TMEM65: variants seen among roughly 807,000 people sequenced by gnomAD.
TMEM65 encodes the protein transmembrane protein 65.
In TMEM65, 22 loss-of-function variants were observed where a neutral mutation model predicts 25.4. That is an observed-to-expected ratio of 0.86 (90% CI 0.62 to 1.23). TMEM65 has a LOEUF of 1.23. Ranked by LOEUF, TMEM65 falls within the 50% of genes most tolerant of loss-of-function variation. The pLI is 0.00. For synonymous variants in TMEM65, 132 were observed against 126.2 expected (o/e 1.05, Z -0.31); for missense variants, 262 against 308.2 (o/e 0.85, Z 1.12).
chr8:124,372,071 C>A lies in TMEM65; in HGVS notation c.87G>T (p.Pro29=). ...GPAAAAAPRP[P]SWCCCGRGLL... is the part of the protein sequence containing the mutation. ...GCCCCCGCCCGCAGCAGCACCAGGA[C>A]GGCGGGCGGGGCGCGGCGGCGGCGG... Residue 29 remains proline (P), a synonymous_variant, in exon 1 of 7, where the codon CCG becomes CCT. Transcript: ENST00000297632. 9.6e-6 allele frequency: 11 copies of A among 1,147,646 alleles called. No homozygotes were observed. The highest frequency in any genetic ancestry group is 1.2e-5 in the Non-Finnish European group (11 of 936,002). The allele number at this position is 1,147,646 out of a possible 1,614,324, so 71.1% of individuals were successfully genotyped here. A position where few individuals can be genotyped will look rare whatever the true frequency, so the allele number is the denominator to read the frequency against.
intron 2 of TMEM65, among the ~76,000 whole-genome samples, chr8:124,327,816 A>G (rs1408583754): frequency 6.6e-6 from 1 of 152,154 alleles, no homozygotes; most frequent in East Asian, 1.9e-4. Flanking sequence ...AAAGTCTGAT[A>G]TTATAAAATC....
Position 124,312,329 on chromosome 8 carries a change from TA to T in TMEM65, c.*1630del, listed in dbSNP as rs1814173626. On this transcript the variant is annotated 3_prime_UTR_variant, in exon 7 of 7. Transcript: ENST00000297632. ...ATATATTTATTTTTAGATTATATGC[TA>T]TATTTTTATGCTTTCTCTCCTCAAA... is the stretch of plus-strand genomic sequence containing the variant. 1 of 152,068 alleles carries T rather than the reference TA, an allele frequency of 6.6e-6. No homozygotes were observed. Among genetic ancestry groups the T allele is most frequent in the Non-Finnish European group, 1.5e-5 (1 of 67,930 alleles). 9.4% of individuals were successfully genotyped at this position (152,068 alleles called of 1,614,324 possible). A position where few individuals can be genotyped will look rare whatever the true frequency, so the allele number is the denominator to read the frequency against.
At chr8:124,314,989 A>C (rs191024014) in intron 6 of TMEM65, among the ~76,000 whole-genome samples, 1 of 152,134 alleles carries the variant, frequency 6.6e-6, no homozygotes, top group African/African-American at 2.4e-5. Flanking sequence ...TAAAAATTTA[A>C]AATTGTTATT....
intron 3 of TMEM65, among the ~76,000 whole-genome samples, chr8:124,325,422 G>A (rs935070807): frequency 7.9e-5 from 12 of 151,790 alleles, no homozygotes; most frequent in African/African-American, 2.9e-4. Context: ...AAATTTTATT[G>A]TCTCTGAATG....
chr8:124,331,683 T>C (rs1214667798), intron 1 of TMEM65, among the ~76,000 whole-genome samples: 6 of 151,868 alleles, frequency 4.0e-5, no homozygotes, highest in Admixed American at 3.9e-4. Flanking sequence ...CTACCTTCTT[T>C]ATGATCAACC....
intron 1 of TMEM65, among the ~76,000 whole-genome samples, chr8:124,334,345 C>A (rs1402797415): frequency 6.6e-6 from 1 of 151,710 alleles, no homozygotes; most frequent in African/African-American, 2.4e-5. Context: ...AAATTGTATT[C>A]AAAGATGTAA....
rs148493122 is a variant in TMEM65 at position 124,341,057 on chromosome 8, T to C, written c.305-10265A>G. On this transcript the variant is annotated intron_variant, in intron 1 of 6. Coordinates refer to ENST00000297632, the MANE Select transcript of TMEM65 (RefSeq NM_194291.3). ...TCCTAGTGTCCTTTGGAAATTAAAGTCATTAAGAGTTCAGAATTCTAATTA... is the reference window on the plus strand; with the variant it reads ...TCCTAGTGTCCTTTGGAAATTAAAGCCATTAAGAGTTCAGAATTCTAATTA... Among the ~76,000 whole-genome samples the C allele has an allele frequency of 2.5e-3, 378 of 152,076 alleles. 1 individual carries two copies. Among genetic ancestry groups the C allele is most frequent in the African/African-American group, 7.9e-3 (326 of 41,526 alleles).
chr8:124,338,561 C>T (rs555083022), intron 1 of TMEM65, among the ~76,000 whole-genome samples: 6 of 151,996 alleles, frequency 3.9e-5, no homozygotes, highest in African/African-American at 1.4e-4. Flanking sequence ...AGACAAAATC[C>T]TTAAAAGAAA....
chr8:124,350,623 A>C (rs2131219266), intron 1 of TMEM65, among the ~76,000 whole-genome samples: 1 of 152,172 alleles, frequency 6.6e-6, no homozygotes, highest in Non-Finnish European at 1.5e-5. Context: ...AAACTATTCA[A>C]AAATATATTT....
intron 6 of TMEM65, among the ~76,000 whole-genome samples, chr8:124,319,582 T>C (rs1212410607): frequency 6.6e-6 from 1 of 152,008 alleles, no homozygotes; most frequent in African/African-American, 2.4e-5. Context: ...ACTCCTCTTA[T>C]TCATCTAGTA....
chr8:124,306,775 C>G lies in TMEM65; in HGVS notation c.*7185G>C, dbSNP rs1586450810. The G allele has an allele frequency of 6.6e-6, 1 of 152,056 alleles. No homozygotes were observed. The highest frequency in any genetic ancestry group is 1.5e-5 in the Non-Finnish European group (1 of 68,052). The allele number at this position is 152,056 out of a possible 1,614,324, so 9.4% of individuals were successfully genotyped here. A position where few individuals can be genotyped will look rare whatever the true frequency, so the allele number is the denominator to read the frequency against. ...AGCAGCCTGGCCAACATGGTGAAAC[C>G]CTGTTTCTCCTAAAAATACAAAAAT... On this transcript the variant is annotated 3_prime_UTR_variant, in exon 7 of 7. Transcript: ENST00000297632.
chr8:124,320,842 G>A lies in TMEM65; in HGVS notation c.516-651C>T, dbSNP rs187423213. 3.7e-4 allele frequency among the ~76,000 whole-genome samples: 57 copies of A among 152,206 alleles called. 1 individual carries two copies. The highest frequency in any genetic ancestry group is 6.8e-3 in the Middle Eastern group (2 of 292). On this transcript the variant is annotated intron_variant, in intron 5 of 6. Coordinates refer to ENST00000297632, the MANE Select transcript of TMEM65 (RefSeq NM_194291.3). ...GATACGTTAAAATGCATCTGAGAATGCCTAAAATGTGGTATTTGTTATTGA... is the reference window on the plus strand; with the variant it reads ...GATACGTTAAAATGCATCTGAGAATACCTAAAATGTGGTATTTGTTATTGA...
At chr8:124,368,093 C>T (rs1026186352) in intron 1 of TMEM65, among the ~76,000 whole-genome samples, 1 of 151,480 alleles carries the variant, frequency 6.6e-6, no homozygotes, top group Non-Finnish European at 1.5e-5. Flanking sequence ...ATTAATTACA[C>T]CACCTTAAAT....
At chr8:124,340,913 T>C (rs7015722) in intron 1 of TMEM65, among the ~76,000 whole-genome samples, 15 of 152,178 alleles carry the variant, frequency 9.9e-5, no homozygotes, top group African/African-American at 3.4e-4. Flanking sequence ...TTAGTAAACA[T>C]GTTCTGTGCC....
intron 1 of TMEM65, among the ~76,000 whole-genome samples, chr8:124,351,813 C>T (rs1013797354): frequency 3.9e-5 from 6 of 152,170 alleles, no homozygotes; most frequent in Admixed American, 3.3e-4. Context: ...TCTTAAATGA[C>T]AGCAGTTCAA....
intron 1 of TMEM65, among the ~76,000 whole-genome samples, chr8:124,362,309 A>AT (rs367911192): frequency 7.2e-5 from 11 of 152,232 alleles, no homozygotes; most frequent in African/African-American, 2.4e-4. Flanking sequence ...AAATGAAGGA[A>AT]TTTTTTAAAA....
At chr8:124,319,750 A>T (rs1332353228) in intron 6 of TMEM65, among the ~76,000 whole-genome samples, 2 of 152,160 alleles carry the variant, frequency 1.3e-5, no homozygotes, top group Admixed American at 1.3e-4. Flanking sequence ...ACCAAATTAT[A>T]ATTTGTTTAT....
intron 2 of TMEM65, among the ~76,000 whole-genome samples, chr8:124,328,806 T>C (rs567618555): frequency 1.1e-4 from 17 of 152,226 alleles, no homozygotes; most frequent in South Asian, 4.1e-4. Context: ...TTTTTTTCTT[T>C]TAATGCAGTT....
At chr8:124,324,165 T>A (rs1196685075) in intron 3 of TMEM65, among the ~76,000 whole-genome samples, 1 of 152,136 alleles carries the variant, frequency 6.6e-6, no homozygotes, top group African/African-American at 2.4e-5. Flanking sequence ...TTTCAAGAGT[T>A]CTCTTGAATA....
Sources: allele counts gnomAD v4.1 joint callset (sites outside exome capture counted in the v4.1 genomes callset), GRCh38; gene constraint gnomAD v4.1.1; transcripts MANE v1.5; gene names NCBI Gene and HGNC (gene_info 2026-07-23, HGNC 2026-07-21).